CCDC90B: variants seen among roughly 807,000 people sequenced by gnomAD.
CCDC90B encodes the protein coiled-coil domain containing 90B, also known as coiled-coil domain-containing protein 90B, mitochondrial.
A neutral mutation model predicts 37.0 loss-of-function variants in CCDC90B; 24 were observed. The observed-to-expected ratio is 0.65, with a 90% CI of 0.47 to 0.91. The LOEUF (loss-of-function observed/expected upper bound fraction) is 0.91, where lower values mean the gene tolerates loss of function less well. Among genes scored for constraint, CCDC90B ranks in the 40% least tolerant of loss-of-function variants. CCDC90B has a pLI of 0.00. For missense variants in CCDC90B, 319 were observed against 299.0 expected (o/e 1.07, Z -0.49); for synonymous variants, 113 against 101.1 (o/e 1.12, Z -0.71).
chr11:83,280,095 G>C, intron 2 of CCDC90B, 46 bp downstream of exon 2: 2 of 1,591,096 alleles, frequency 1.3e-6, no homozygotes, highest in Non-Finnish European at 1.7e-6. Context: ...TAGGCATTAT[G>C]AGTGCTATTA....
At chr11:83,285,394 G>T (rs1440114247) in intron 1 of CCDC90B, 2 of 1,159,004 alleles carry the variant, frequency 1.7e-6, no homozygotes, top group Non-Finnish European at 2.2e-6. Context: ...CAATGTGACT[G>T]AAATGTACTG....
chr11:83,267,472 C>T (rs1000036127), intron 7 of CCDC90B: 1 of 152,128 alleles, frequency 6.6e-6, no homozygotes, highest in Non-Finnish European at 1.5e-5. Context: ...GATGCATGCC[C>T]AAGCTTCAAC....
chr11:83,263,981 G>C (rs999475500), intron 8 of CCDC90B, among the ~76,000 whole-genome samples: 3 of 152,082 alleles, frequency 2.0e-5, no homozygotes, highest in Non-Finnish European at 4.4e-5. Context: ...TTTTCTTTTA[G>C]ACAGCAATTT....
chr11:83,274,783 C>A, intron 3 of CCDC90B, 43 bp from the exon 4 acceptor site: 1 of 1,223,134 alleles, frequency 8.2e-7, no homozygotes, highest in Admixed American at 2.0e-5. Context: ...TATAGAAAGC[C>A]ATCTTTTTAT....
intron 7 of CCDC90B, among the ~76,000 whole-genome samples, chr11:83,271,751 A>T (rs1482286498): frequency 6.6e-6 from 1 of 152,050 alleles, no homozygotes; most frequent in Non-Finnish European, 1.5e-5. Context: ...TTGACCCAGC[A>T]ATCCCATTAC....
chr11:83,274,213 C>T (rs1177144757), intron 4 of CCDC90B: 1 of 386,136 alleles, frequency 2.6e-6, no homozygotes, highest in Non-Finnish European at 4.5e-6. Context: ...CTTTTAAAAA[C>T]TGATTTTCTA....
intron 4 of CCDC90B, 166 bp downstream of exon 4, chr11:83,274,473 G>T: frequency 2.2e-6 from 1 of 455,532 alleles, no homozygotes; most frequent in Non-Finnish European, 3.9e-6. Context: ...GATTTATATA[G>T]AAAAAGATTA....
At chr11:83,269,323 A>G (rs957880837) in intron 7 of CCDC90B, among the ~76,000 whole-genome samples, 90 of 151,984 alleles carry the variant, frequency 5.9e-4, no homozygotes, top group African/African-American at 2.1e-3. Context: ...TAAAAAAGAG[A>G]TAAGAGACAC....
Position 83,265,983 on chromosome 11 carries a change from T to C in CCDC90B, c.595-4A>G, listed in dbSNP as rs774064495. 1 of 1,488,678 alleles carries C rather than the reference T, an allele frequency of 6.7e-7. No homozygotes were observed. Among genetic ancestry groups the C allele is most frequent in the East Asian group, 2.3e-5 (1 of 44,184 alleles). 92.2% of individuals were successfully genotyped at this position (1,488,678 alleles called of 1,614,324 possible). On this transcript the variant is annotated splice_region_variant and splice_polypyrimidine_tract_variant and intron_variant, in intron 7 of 8. Transcript: ENST00000529689. ...TAATACTTTTGGTTTGAGTATCCTG[T>C]GGTAAACCAGAATAAGAGAACTTAA...
intron 1 of CCDC90B, among the ~76,000 whole-genome samples, chr11:83,282,022 A>G (rs894751378): frequency 2.9e-5 from 4 of 139,978 alleles, no homozygotes; most frequent in African/African-American, 1.1e-4. Flanking sequence ...GCTTACCTCA[A>G]GCTTGTCGAG....
Position 83,286,138 on chromosome 11 carries a change from G to T in CCDC90B, c.-166C>A. ...CGCCACCGTGGTCCCACGAAACTGG[G>T]TCTCTTCACAGACAGACCCACAGTT... On this transcript the variant is annotated 5_prime_UTR_variant, in exon 1 of 9. Coordinates refer to ENST00000529689, the MANE Select transcript of CCDC90B (RefSeq NM_021825.5). 6.5e-7 allele frequency: 1 copy of T among 1,536,238 alleles called. No homozygotes were observed. The highest frequency in any genetic ancestry group is 1.4e-5 in the African/African-American group (1 of 73,162).
chr11:83,263,107 A>T (rs1440614110), intron 8 of CCDC90B, among the ~76,000 whole-genome samples: 1 of 152,178 alleles, frequency 6.6e-6, no homozygotes, highest in Non-Finnish European at 1.5e-5. Context: ...CTTAATAAAA[A>T]AACACACACA....
chr11:83,283,467 T>C (rs1434049851), intron 1 of CCDC90B, among the ~76,000 whole-genome samples: 1 of 152,238 alleles, frequency 6.6e-6, no homozygotes. Context: ...TTATATGTGC[T>C]CAAATATTCA....
At chr11:83,277,406 G>A (rs1050742846) in intron 3 of CCDC90B, among the ~76,000 whole-genome samples, 2 of 152,166 alleles carry the variant, frequency 1.3e-5, no homozygotes, top group African/African-American at 2.4e-5. Flanking sequence ...TAAGTTAAAT[G>A]TAGGGATTGA....
At chr11:83,285,058 A>G in intron 1 of CCDC90B, 1 of 991,338 alleles carries the variant, frequency 1.0e-6, no homozygotes, top group South Asian at 2.0e-5. Context: ...TGAGCAAAAT[A>G]GCACAAGTAA....
intron 7 of CCDC90B, among the ~76,000 whole-genome samples, chr11:83,270,777 A>C (rs1864606277): frequency 6.6e-6 from 1 of 152,234 alleles, no homozygotes; most frequent in African/African-American, 2.4e-5. Context: ...AAACTACTTT[A>C]AAGTTCATAT....
chr11:83,276,767 T>C (rs999320106), intron 3 of CCDC90B, among the ~76,000 whole-genome samples: 4 of 152,220 alleles, frequency 2.6e-5, no homozygotes, highest in African/African-American at 7.2e-5. Context: ...ACATAATCCA[T>C]TGTTAAGTAG....
At position 83,286,025 on chromosome 11, in the gene CCDC90B, C is replaced by A; in HGVS notation, c.-53G>T. On this transcript the variant is annotated 5_prime_UTR_variant, in exon 1 of 9. Coordinates refer to ENST00000529689, the MANE Select transcript of CCDC90B (RefSeq NM_021825.5). ...GGCGGAAGACGGGGTAAATCTCGCA[C>A]AGGCTTTCGGGCAAGGTAGTTCTGG... 3.8e-6 allele frequency: 6 copies of A among 1,565,248 alleles called. No individual in the cohort carries two copies. The highest frequency in any genetic ancestry group is 4.3e-6 in the Non-Finnish European group (5 of 1,155,670).
intron 1 of CCDC90B, 105 bp downstream of exon 1, chr11:83,285,768 A>C: frequency 6.8e-7 from 1 of 1,478,820 alleles, no homozygotes; most frequent in South Asian, 1.3e-5. Flanking sequence ...ATCCGGGAGG[A>C]GGGCGTGGCA....
Sources: allele counts gnomAD v4.1 joint callset (sites outside exome capture counted in the v4.1 genomes callset), GRCh38; gene constraint gnomAD v4.1.1; transcripts MANE v1.5; gene names NCBI Gene and HGNC (gene_info 2026-07-23, HGNC 2026-07-21).